The following CPD variants were observed in gnomAD, a reference collection of about 807,000 sequenced individuals.
CPD encodes the protein metallocarboxypeptidase D.
CPD carries 69 observed loss-of-function variants against 138.3 expected under a neutral mutation model. That is an observed-to-expected ratio of 0.50 (90% CI 0.41 to 0.61). The LOEUF is 0.61. Among genes scored for constraint, CPD ranks in the 20% least tolerant of loss-of-function variants. The pLI is 0.00. For missense variants in CPD, 1,432 were observed against 1,733.3 expected, an observed-to-expected ratio of 0.83 and a Z score of 3.09; for synonymous variants, 651 against 642.1, an observed-to-expected ratio of 1.01 and a Z score of -0.21.
intron 2 of CPD, among the ~76,000 whole-genome samples, chr17:30,399,363 T>C (rs565895375): frequency 1.3e-5 from 2 of 152,314 alleles, no homozygotes; most frequent in South Asian, 4.1e-4. Context: ...CATTTTTCTC[T>C]ATCCTTTGCT....
At chr17:30,462,288 C>A in intron 19 of CPD, 82 bp from the exon 20 acceptor site, 1 of 1,201,962 alleles carries the variant, frequency 8.3e-7, no homozygotes, top group Non-Finnish European at 1.2e-6. Context: ...CCTTAGTTTG[C>A]TATATGGGGC....
intron 2 of CPD, among the ~76,000 whole-genome samples, chr17:30,403,594 C>T (rs570273964): frequency 3.3e-5 from 5 of 152,300 alleles, no homozygotes; most frequent in Non-Finnish European, 5.9e-5. Flanking sequence ...AGATACCACT[C>T]GTCTTCCACT....
At chr17:30,423,891 A>T (rs1264869476) in intron 6 of CPD, among the ~76,000 whole-genome samples, 194 bp downstream of exon 6, 1 of 152,172 alleles carries the variant, frequency 6.6e-6, no homozygotes, top group Non-Finnish European at 1.5e-5. Context: ...AAATTTATAT[A>T]TTTAGTGGTG....
intron 1 of CPD, among the ~76,000 whole-genome samples, chr17:30,381,189 C>G (rs1230919247): frequency 6.6e-6 from 1 of 152,100 alleles, no homozygotes; most frequent in Non-Finnish European, 1.5e-5. Flanking sequence ...CACCTCTGAA[C>G]ATCTGCGTAA....
intron 2 of CPD, among the ~76,000 whole-genome samples, chr17:30,418,035 A>AC (rs1912161487): frequency 2.0e-5 from 3 of 151,116 alleles, no homozygotes; most frequent in African/African-American, 7.3e-5. Flanking sequence ...GTGCTCCTGA[A>AC]CCCCCGCTCC....
intron 6 of CPD, among the ~76,000 whole-genome samples, chr17:30,424,963 C>T (rs770221492): frequency 6.6e-6 from 1 of 152,174 alleles, no homozygotes; most frequent in Non-Finnish European, 1.5e-5. Context: ...CTCACTTGAA[C>T]AAATAGGCAC....
intron 1 of CPD, among the ~76,000 whole-genome samples, chr17:30,380,979 C>T (rs1041441489): frequency 2.0e-5 from 3 of 152,264 alleles, no homozygotes; most frequent in Admixed American, 1.3e-4. Context: ...AGTTTCCCTG[C>T]GGGACTTGGA....
chr17:30,414,948 G>T (rs1418377137), intron 2 of CPD, among the ~76,000 whole-genome samples: 1 of 151,502 alleles, frequency 6.6e-6, no homozygotes, highest in African/African-American at 2.4e-5. Context: ...CTAGGCTGGG[G>T]ACAGAAATTT....
intron 4 of CPD, 74 bp from the exon 5 acceptor site, chr17:30,422,597 GCTA>G (rs1912294861): frequency 1.1e-6 from 1 of 888,530 alleles, no homozygotes; most frequent in Non-Finnish European, 1.7e-6. Flanking sequence ...GGATGAAAAG[GCTA>G]CTGTGCTTTT....
intron 2 of CPD, 82 bp downstream of exon 2, chr17:30,385,318 ACT>A (rs1255271678): frequency 4.8e-6 from 7 of 1,456,522 alleles, no homozygotes; most frequent in Admixed American, 4.5e-5. Context: ...AAAAGAAGAA[ACT>A]CTGTAGAAAT....
Position 30,445,843 on chromosome 17 carries a change from C to T in CPD, c.2696C>T (p.Thr899Ile), listed in dbSNP as rs1860543. 3.0e-4 allele frequency: 484 copies of T among 1,614,104 alleles called. 2 individuals are homozygous for T. In the African/African-American group the frequency reaches 5.8e-3, roughly 19 times the overall value. Residue 899 changes from threonine to isoleucine, a missense_variant, in exon 12 of 21, where the codon ACT becomes ATT. Physicochemically the swap from Thr to Ile is moderately conservative, Grantham distance 89. Coordinates refer to ENST00000225719, the MANE Select transcript of CPD (RefSeq NM_001304.5). Reference sequence around the variant, plus strand: ...ACCAATGATGCCAGTGATCCAACTACTAAAGAGTTTGAAACTTTAATTAAA... The same window carrying T: ...ACCAATGATGCCAGTGATCCAACTATTAAAGAGTTTGAAACTTTAATTAAA... Reference protein sequence around the residue: ...SSTNDASDPTTKEFETLIKDL... With the variant: ...SSTNDASDPTIKEFETLIKDL...
chr17:30,461,522 A>G (rs1416600943), intron 18 of CPD, among the ~76,000 whole-genome samples: 3 of 152,192 alleles, frequency 2.0e-5, no homozygotes, highest in African/African-American at 4.8e-5. Flanking sequence ...ACCTTGCAAG[A>G]TGCTGCAAGT....
At chr17:30,432,802 C>T (rs1912598450) in intron 8 of CPD, among the ~76,000 whole-genome samples, 1 of 151,886 alleles carries the variant, frequency 6.6e-6, no homozygotes, top group African/African-American at 2.4e-5. Context: ...ATTTGTTGTT[C>T]CAGCTACTTA....
At chr17:30,416,797 A>C (rs1001861962) in intron 2 of CPD, among the ~76,000 whole-genome samples, 4 of 152,150 alleles carry the variant, frequency 2.6e-5, no homozygotes, top group Admixed American at 2.0e-4. Flanking sequence ...TAGCTGTATC[A>C]CATCACTCTA....
At chr17:30,415,548 ACTC>A (rs1255873935) in intron 2 of CPD, among the ~76,000 whole-genome samples, 1 of 152,140 alleles carries the variant, frequency 6.6e-6, no homozygotes, top group African/African-American at 2.4e-5. Context: ...TATACAAAGA[ACTC>A]CTACAACATA....
chr17:30,425,171 C>A (rs1219369204), intron 6 of CPD, among the ~76,000 whole-genome samples: 1 of 152,166 alleles, frequency 6.6e-6, no homozygotes, highest in Non-Finnish European at 1.5e-5. Context: ...CTCCCACTCC[C>A]TATTAAAATG....
intron 2 of CPD, among the ~76,000 whole-genome samples, chr17:30,413,300 TATC>T (rs1912015974): frequency 6.6e-6 from 1 of 152,226 alleles, no homozygotes; most frequent in Non-Finnish European, 1.5e-5. Flanking sequence ...AGGTGACTAA[TATC>T]ATAATGACTA....
chr17:30,439,334 G>A (rs1455096621), intron 9 of CPD, among the ~76,000 whole-genome samples: 1 of 147,142 alleles, frequency 6.8e-6, no homozygotes, highest in East Asian at 2.0e-4. Flanking sequence ...AATCTTACAT[G>A]TGCTAATAGA....
At chr17:30,459,146 C>CTT (rs34756707) in intron 17 of CPD, among the ~76,000 whole-genome samples, 23 of 64,922 alleles carry the variant, frequency 3.5e-4, no homozygotes, top group African/African-American at 1.1e-3. Context: ...GCCAGTATCA[C>CTT]TTTTTTTTTT....
Sources: gnomAD v4.1 joint callset for allele counts (sites outside exome capture counted in the v4.1 genomes callset) on GRCh38, gnomAD v4.1.1 for gene constraint, MANE v1.5 for transcripts, NCBI Gene and HGNC (gene_info 2026-07-23, HGNC 2026-07-21) for gene names.